PEX5L: variants seen among roughly 807,000 people sequenced by gnomAD.
PEX5L encodes PEX5-related protein.
In PEX5L, 30 loss-of-function variants were observed where a neutral mutation model predicts 84.0. That is an observed-to-expected ratio of 0.36 (90% CI 0.27 to 0.48). PEX5L has a LOEUF of 0.48. Ranked by LOEUF, PEX5L falls within the 20% of genes least tolerant of loss-of-function variation. PEX5L has a pLI of 0.99. For missense variants in PEX5L, 533 were observed against 754.6 expected, an observed-to-expected ratio of 0.71 and a Z score of 3.44; for synonymous variants, 270 against 283.1, an observed-to-expected ratio of 0.95 and a Z score of 0.46.
At chr3:179,905,408 A>G (rs1482984292) in intron 2 of PEX5L, among the ~76,000 whole-genome samples, 5 of 151,764 alleles carry the variant, frequency 3.3e-5, no homozygotes, top group Non-Finnish European at 7.4e-5. Context: ...GAGTAGCTGG[A>G]ACTACAGGCG....
intron 2 of PEX5L, among the ~76,000 whole-genome samples, chr3:179,954,549 T>G (rs9856937): frequency 0.72 from 109,681 of 151,956 alleles, 40,275 homozygotes; most frequent in East Asian, 0.89. Flanking sequence ...TGTAAAGAAG[T>G]CCCTTTTATT....
At chr3:179,958,220 A>G (rs1239550230) in intron 2 of PEX5L, among the ~76,000 whole-genome samples, 1 of 152,216 alleles carries the variant, frequency 6.6e-6, no homozygotes, top group Non-Finnish European at 1.5e-5. Flanking sequence ...GTTATTTCCT[A>G]ACAGTCAAAA....
intron 7 of PEX5L, among the ~76,000 whole-genome samples, chr3:179,865,031 T>C (rs1747616568): frequency 6.6e-6 from 1 of 152,108 alleles, no homozygotes; most frequent in African/African-American, 2.4e-5. Flanking sequence ...CTTCTTCCCT[T>C]CGTCAGTGTT....
In PEX5L at chr3:179,898,034, A is replaced by T. The variant is rs1578176848; in HGVS notation, c.198+108T>A. On this transcript the variant is annotated intron_variant, in intron 3 of 14. Coordinates refer to ENST00000467460, the MANE Select transcript of PEX5L (RefSeq NM_016559.3). ...TAATTGTTTCATTGAAACTGTCTTT[A>T]AAAAAATTGGTTCAAGAGTTAAAGT... 5 of 583,700 alleles carry T rather than the reference A, an allele frequency of 8.6e-6. No homozygotes were observed. The East Asian group carries it at 1.2e-4, about 14-fold the overall frequency. 36.2% of individuals were successfully genotyped at this position (583,700 alleles called of 1,614,324 possible). A position where few individuals can be genotyped will look rare whatever the true frequency, so the allele number is the denominator to read the frequency against.
chr3:179,874,383 T>C lies in PEX5L; in HGVS notation c.670A>G (p.Lys224Glu). Residue 224 changes from lysine to glutamate, a missense_variant, in exon 7 of 15, where the codon AAA (lysine) becomes GAA (glutamate). Physicochemically the swap from Lys to Glu is moderately conservative, Grantham distance 56. Transcript: ENST00000467460. ...GCCGACTCAGAGTTGAGGGCGCTTT[T>C]TCCACCACTCAGTTCTGGTTGAGAT... ...HRSQPELSGG[K>E]SALNSESASE... The C allele has an allele frequency of 6.2e-7, 1 of 1,612,932 alleles. No homozygotes were observed. The highest frequency in any genetic ancestry group is 8.5e-7 in the Non-Finnish European group (1 of 1,179,162).
intron 2 of PEX5L, among the ~76,000 whole-genome samples, chr3:179,967,504 A>G (rs1783638130): frequency 6.6e-6 from 1 of 152,074 alleles, no homozygotes; most frequent in African/African-American, 2.4e-5. Context: ...ATATCAGAAA[A>G]CTTATTTGAA....
At chr3:179,894,137 T>A (rs1350120036) in intron 3 of PEX5L, among the ~76,000 whole-genome samples, 2 of 152,106 alleles carry the variant, frequency 1.3e-5, no homozygotes, top group African/African-American at 4.8e-5. Context: ...ACTACTTGTT[T>A]ATGGTTTTAT....
At chr3:179,904,690 T>TG (rs1762542576) in intron 2 of PEX5L, among the ~76,000 whole-genome samples, 1 of 152,224 alleles carries the variant, frequency 6.6e-6, no homozygotes, top group African/African-American at 2.4e-5. Flanking sequence ...TAGTCCATTT[T>TG]GGGGGGTTCT....
At chr3:180,008,720 AT>A (rs1184115412) in intron 1 of PEX5L, among the ~76,000 whole-genome samples, 5 of 152,208 alleles carry the variant, frequency 3.3e-5, no homozygotes, top group African/African-American at 1.2e-4. Flanking sequence ...GAAACCCCTG[AT>A]AAACCCATCA....
At chr3:179,874,255 T>C (rs1751373569) in intron 7 of PEX5L, 72 bp downstream of exon 7, 2 of 892,024 alleles carry the variant, frequency 2.2e-6, no homozygotes, top group Non-Finnish European at 3.5e-6. Flanking sequence ...TTGTACAAAA[T>C]GAAAATAAAG....
At chr3:179,888,124 A>G (rs754139167) in intron 3 of PEX5L, 23 of 1,290,996 alleles carry the variant, frequency 1.8e-5, no homozygotes, top group Non-Finnish European at 2.3e-5. Flanking sequence ...CCTCACCTGG[A>G]CAAAAGCTCC....
intron 2 of PEX5L, among the ~76,000 whole-genome samples, chr3:179,947,284 G>C (rs892495903): frequency 1.0e-4 from 15 of 149,506 alleles, no homozygotes; most frequent in South Asian, 4.2e-4. Context: ...TGATAATACA[G>C]TTACCATTAA....
chr3:179,878,606 C>T (rs761003515), intron 5 of PEX5L, among the ~76,000 whole-genome samples: 5 of 152,150 alleles, frequency 3.3e-5, no homozygotes, highest in Non-Finnish European at 5.9e-5. Flanking sequence ...TGTGTGAATA[C>T]CTTTCCTTTC....
At chr3:180,024,347 AATATATAT>A (rs148495757) in intron 1 of PEX5L, among the ~76,000 whole-genome samples, 20,757 of 107,714 alleles carry the variant, frequency 0.19, 3,362 homozygotes, top group African/African-American at 0.37. Flanking sequence ...GTCCCTACTA[AATATATAT>A]ATATATATAT....
intron 9 of PEX5L, 49 bp from the exon 10 acceptor site, chr3:179,816,053 A>T: frequency 6.4e-7 from 1 of 1,570,802 alleles, no homozygotes; most frequent in Non-Finnish European, 8.7e-7. Flanking sequence ...TTCTCTTCTC[A>T]TTCTCACATT....
chr3:179,837,183 C>T (rs566352137), intron 8 of PEX5L, among the ~76,000 whole-genome samples: 2 of 152,166 alleles, frequency 1.3e-5, no homozygotes, highest in African/African-American at 4.8e-5. Context: ...TTGCTCTGTT[C>T]CTGAAAACCT....
intron 2 of PEX5L, among the ~76,000 whole-genome samples, chr3:179,941,105 A>G (rs1441005668): frequency 6.6e-6 from 1 of 152,244 alleles, no homozygotes; most frequent in Non-Finnish European, 1.5e-5. Flanking sequence ...AAGTGATAGA[A>G]GTATGTGAAG....
intron 8 of PEX5L, among the ~76,000 whole-genome samples, chr3:179,833,986 C>T (rs1315544374): frequency 6.6e-6 from 1 of 152,056 alleles, no homozygotes; most frequent in African/African-American, 2.4e-5. Flanking sequence ...AGGCACATAC[C>T]GACATGCGTG....
chr3:180,014,722 A>C (rs963788576), intron 1 of PEX5L, among the ~76,000 whole-genome samples: 4 of 152,166 alleles, frequency 2.6e-5, no homozygotes, highest in African/African-American at 9.7e-5. Context: ...TTATATGTAT[A>C]ATACTACTGG....
Sources: allele counts gnomAD v4.1 joint callset (sites outside exome capture counted in the v4.1 genomes callset), GRCh38; gene constraint gnomAD v4.1.1; transcripts MANE v1.5; gene names NCBI Gene and HGNC (gene_info 2026-07-23, HGNC 2026-07-21).